Variants in RGS8 observed in about 807,000 individuals in gnomAD.
RGS8 encodes the protein regulator of G-protein signaling 8.
Under a neutral mutation model 21.7 loss-of-function variants are expected in RGS8, and 8 were observed. The ratio of observed to expected loss-of-function variants is 0.37; its 90% CI spans 0.22 to 0.66. The LOEUF (loss-of-function observed/expected upper bound fraction) is 0.66. Ranked by LOEUF, RGS8 falls within the 30% of genes least tolerant of loss-of-function variation. RGS8 has a pLI of 0.59. For missense variants in RGS8, 157 were observed against 217.9 expected, an observed-to-expected ratio of 0.72 and a Z score of 1.76; for synonymous variants, 80 against 83.6, an observed-to-expected ratio of 0.96 and a Z score of 0.24.
the RGS8 span, among the ~76,000 whole-genome samples, chr1:182,729,264 G>A: frequency 1.3e-5 from 2 of 152,222 alleles, no homozygotes; most frequent in East Asian, 3.8e-4. Flanking sequence ...ACCTCGGGAT[G>A]AGTGGGGATG....
the RGS8 span, among the ~76,000 whole-genome samples, chr1:182,701,949 G>A: frequency 1.3e-5 from 2 of 152,154 alleles, no homozygotes; most frequent in African/African-American, 2.4e-5. Context: ...CGCTGGTGAG[G>A]CTGCAGAGGA....
intron 1 of RGS8, 69 bp from the exon 3 acceptor site, chr1:182,671,799 C>A (rs913570764): frequency 1.4e-5 from 23 of 1,607,638 alleles, no homozygotes; most frequent in Middle Eastern, 1.7e-4. Flanking sequence ...TGTGCATGAA[C>A]ACATAGGGGC....
the RGS8 span, among the ~76,000 whole-genome samples, chr1:182,730,710 CAAAA>C: frequency 9.0e-6 from 1 of 110,682 alleles, no homozygotes; most frequent in African/African-American, 3.3e-5. Context: ...GACTGCATCT[CAAAA>C]AAAAAAAAAA....
upstream of RGS8, among the ~76,000 whole-genome samples, chr1:182,685,862 G>A (rs978108731): frequency 6.6e-6 from 1 of 152,176 alleles, no homozygotes; most frequent in Admixed American, 6.5e-5. Flanking sequence ...ATGCAGTGAC[G>A]ACTAAGACCT....
the RGS8 span, among the ~76,000 whole-genome samples, chr1:182,726,592 C>T: frequency 6.6e-6 from 1 of 152,028 alleles, no homozygotes; most frequent in Non-Finnish European, 1.5e-5. Context: ...ATCGCTTGAA[C>T]CCGAGAGGCA....
chr1:182,752,277 C>T, the RGS8 span, among the ~76,000 whole-genome samples: 2 of 152,180 alleles, frequency 1.3e-5, no homozygotes, highest in East Asian at 1.9e-4. Flanking sequence ...CCACAGGAGT[C>T]GGCACATCAA....
chr1:182,654,297 A>G (rs1175322912), intron 5 of RGS8, among the ~76,000 whole-genome samples: 3 of 152,236 alleles, frequency 2.0e-5, no homozygotes, highest in Non-Finnish European at 4.4e-5. Context: ...GTATTTGGTG[A>G]AGGCAAATTT....
the RGS8 span, among the ~76,000 whole-genome samples, chr1:182,694,956 G>A: frequency 3.3e-4 from 50 of 152,256 alleles, 1 homozygote; most frequent in African/African-American, 1.2e-3. Context: ...CCCACATATA[G>A]GTACACAGAA....
chr1:182,735,930 A>G, the RGS8 span, among the ~76,000 whole-genome samples: 1 of 152,198 alleles, frequency 6.6e-6, no homozygotes, highest in Non-Finnish European at 1.5e-5. Context: ...TGAAGGCCAC[A>G]GAGTGCCTTC....
the RGS8 span, among the ~76,000 whole-genome samples, chr1:182,721,555 C>T: frequency 1.3e-5 from 2 of 152,144 alleles, no homozygotes; most frequent in Non-Finnish European, 2.9e-5. Flanking sequence ...GTGCTGCTTT[C>T]CCAGGGAAAG....
intron 5 of RGS8, among the ~76,000 whole-genome samples, chr1:182,656,565 C>T (rs982057450): frequency 1.9e-4 from 29 of 152,164 alleles, no homozygotes; most frequent in African/African-American, 5.3e-4. Flanking sequence ...GATGCTGTAA[C>T]GAAGAACAGC....
At chr1:182,661,294 T>A (rs770541591) in intron 5 of RGS8, among the ~76,000 whole-genome samples, 1 of 152,054 alleles carries the variant, frequency 6.6e-6, no homozygotes, top group Non-Finnish European at 1.5e-5. Flanking sequence ...TCCCTGGGCC[T>A]GGTGGGATAG....
the RGS8 span, among the ~76,000 whole-genome samples, chr1:182,741,147 C>T: frequency 6.6e-6 from 1 of 150,876 alleles, no homozygotes; most frequent in Non-Finnish European, 1.5e-5. Context: ...AGAGGCGCCC[C>T]TCACCTCCCG....
the RGS8 span, among the ~76,000 whole-genome samples, chr1:182,749,563 T>C: frequency 6.6e-6 from 1 of 152,162 alleles, no homozygotes; most frequent in African/African-American, 2.4e-5. Flanking sequence ...CAAGATTACT[T>C]TTGCTATTTG....
At position 182,648,126 on chromosome 1, in the gene RGS8, T is replaced by G. The variant is rs760850984; in HGVS notation, c.360+11A>C. On this transcript the variant is annotated intron_variant, in intron 6 of 6. Coordinates refer to ENST00000483095, the Ensembl canonical transcript of RGS8. The stretch of plus-strand genomic sequence containing the variant: ...CATGGATAGACAGGATGGTCGCCGC[T>G]GCCAACACACCTCCCGTGGAGCCTG... 3.8e-6 allele frequency: 6 copies of G among 1,591,460 alleles called. No homozygotes were observed. In the South Asian group the frequency reaches 6.8e-5, roughly 18 times the overall value.
chr1:182,659,360 T>C (rs565760615), intron 5 of RGS8, among the ~76,000 whole-genome samples: 5 of 152,120 alleles, frequency 3.3e-5, no homozygotes, highest in Admixed American at 2.0e-4. Context: ...CCTAACAGGG[T>C]GAAGGTTTAG....
upstream of RGS8, chr1:182,673,007 A>T: frequency 5.7e-6 from 4 of 703,176 alleles, no homozygotes; most frequent in Non-Finnish European, 9.9e-6. Context: ...GGGGACAGTA[A>T]TCAGCCTTCC....
rs1257960140 is a variant in RGS8 at position 182,664,618 on chromosome 1, CT to C, written c.193+1350del. Among the ~76,000 whole-genome samples, 5 of 152,212 alleles carry C rather than the reference CT, an allele frequency of 3.3e-5. No homozygotes were observed. In the East Asian group the frequency reaches 9.6e-4, roughly 29 times the overall value. On this transcript the variant is annotated intron_variant, in intron 5 of 6. Transcript: ENST00000483095. ...AGCCTCATTAAAAAAAATAGCATTA[CT>C]GCAAATCCTAAATATTATTATACAT...
chr1:182,728,471 A>G, the RGS8 span, among the ~76,000 whole-genome samples: 1 of 152,246 alleles, frequency 6.6e-6, no homozygotes, highest in African/African-American at 2.4e-5. Flanking sequence ...AATGATAAAC[A>G]TTGAGCAATA....
Sources: gnomAD v4.1 joint callset for allele counts (sites outside exome capture counted in the v4.1 genomes callset) on GRCh38, gnomAD v4.1.1 for gene constraint, MANE v1.5 for transcripts, NCBI Gene and HGNC (gene_info 2026-07-23, HGNC 2026-07-21) for gene names.